Variants in MRPS23 observed in about 807,000 individuals in gnomAD.
The protein encoded by MRPS23 is mitochondrial ribosomal protein S23.
MRPS23 carries 14 observed loss-of-function variants against 19.8 expected under a neutral mutation model. The ratio of observed to expected loss-of-function variants is 0.71; its 90% CI spans 0.47 to 1.11. MRPS23 has a LOEUF of 1.11. Among genes scored for constraint, MRPS23 ranks in the 50% least tolerant of loss-of-function variants. MRPS23 has a pLI of 0.00. For synonymous variants in MRPS23, 113 were observed against 89.7 expected, an observed-to-expected ratio of 1.26 and a Z score of -1.47; for missense variants, 242 against 236.7, an observed-to-expected ratio of 1.02 and a Z score of -0.15.
chr17:57,840,805 T>C (rs1461431168), intron 4 of MRPS23, 121 bp downstream of exon 4: 3 of 1,347,750 alleles, frequency 2.2e-6, no homozygotes, highest in Non-Finnish European at 3.0e-6. Context: ...CCACAGCACT[T>C]TATAAAAGGT....
chr17:57,842,887 TATATAC>T (rs1329324720), intron 2 of MRPS23, among the ~76,000 whole-genome samples: 92 of 97,570 alleles, frequency 9.4e-4, no homozygotes, highest in South Asian at 3.2e-3. Context: ...AAAATATATA[TATATAC>T]ACACACACAC....
At chr17:57,842,938 G>T (rs1276793995) in intron 2 of MRPS23, among the ~76,000 whole-genome samples, 1 of 127,456 alleles carries the variant, frequency 7.8e-6, no homozygotes, top group East Asian at 2.3e-4. Context: ...ACACACACGA[G>T]GCAGGTGCAG....
Position 57,837,070 on chromosome 17 carries a change from G to A in MRPS23, c.*2713C>T, listed in dbSNP as rs2073710400. ...TCTGATGACAGCTTTTGCCCAAACT[G>A]TGGAAATAGTTCTGAGTTTCCAAAG... On this transcript the variant is annotated 3_prime_UTR_variant, in exon 5 of 5. Transcript: ENST00000313608. 1 of 152,156 alleles carries A rather than the reference G, an allele frequency of 6.6e-6. No homozygotes were observed. The highest frequency in any genetic ancestry group is 1.5e-5 in the Non-Finnish European group (1 of 68,040). 9.4% of individuals were successfully genotyped at this position (152,156 alleles called of 1,614,324 possible).
In MRPS23 at chr17:57,838,426, A is replaced by C. The variant is rs2073720604; in HGVS notation, c.*1357T>G. ...AAATATTCATCATTGTGGCAAAAAAAACCTGCCCTTAAAAAACCAGAAACC... is the reference window on the plus strand; with the variant it reads ...AAATATTCATCATTGTGGCAAAAAACACCTGCCCTTAAAAAACCAGAAACC... On this transcript the variant is annotated 3_prime_UTR_variant, in exon 5 of 5. Coordinates refer to ENST00000313608, the MANE Select transcript of MRPS23 (RefSeq NM_016070.4). 1 of 152,100 alleles carries C rather than the reference A, an allele frequency of 6.6e-6. No homozygotes were observed. The highest frequency in any genetic ancestry group is 1.5e-5 in the Non-Finnish European group (1 of 68,030). The allele number at this position is 152,100 out of a possible 1,614,324, so 9.4% of individuals were successfully genotyped here.
chr17:57,842,891 T>TACATACACAC (rs2073749381), intron 2 of MRPS23, among the ~76,000 whole-genome samples: 1 of 76,572 alleles, frequency 1.3e-5, no homozygotes, highest in Non-Finnish European at 2.4e-5. Flanking sequence ...TATATATATA[T>TACATACACAC]ACACACACAC....
chr17:57,837,319 A>G lies in MRPS23; in HGVS notation c.*2464T>C, dbSNP rs1231139971. 2.6e-5 allele frequency: 4 copies of G among 152,240 alleles called. No homozygotes were observed. The highest frequency in any genetic ancestry group is 2.6e-4 in the Admixed American group (4 of 15,284). 9.4% of individuals were successfully genotyped at this position (152,240 alleles called of 1,614,324 possible). On this transcript the variant is annotated 3_prime_UTR_variant, in exon 5 of 5. Transcript: ENST00000313608. ...TTAAGCACAATTTCTATGGACGAAG[A>G]TATCAAAACTCAAAATGATCTGCTC...
At position 57,838,150 on chromosome 17, in the gene MRPS23, C is replaced by G. The variant is rs751843191; in HGVS notation, c.*1633G>C. On this transcript the variant is annotated 3_prime_UTR_variant, in exon 5 of 5. Coordinates refer to ENST00000313608, the MANE Select transcript of MRPS23 (RefSeq NM_016070.4). ...ACTAAAAATACAAAAATTAGCCGGG[C>G]GTCATAGCATACACCTGTAATCCCA... 1 of 151,324 alleles carries G rather than the reference C, an allele frequency of 6.6e-6. No individual in the cohort carries two copies. The highest frequency in any genetic ancestry group is 1.5e-5 in the Non-Finnish European group (1 of 67,842). 9.4% of individuals were successfully genotyped at this position (151,324 alleles called of 1,614,324 possible). A position where few individuals can be genotyped will look rare whatever the true frequency, so the allele number is the denominator to read the frequency against.
intron 2 of MRPS23, among the ~76,000 whole-genome samples, chr17:57,843,865 G>A (rs781502829): frequency 2.6e-5 from 4 of 152,126 alleles, no homozygotes; most frequent in Non-Finnish European, 4.4e-5. Flanking sequence ...TTAGTCCTTT[G>A]TCATAACATT....
Position 57,850,022 on chromosome 17 carries a change from G to A in MRPS23, c.-12C>T, listed in dbSNP as rs748649485. On this transcript the variant is annotated 5_prime_UTR_variant, in exon 1 of 5. Transcript: ENST00000313608. ...CGGCTGCCTGCCATGATCTGCGCCT[G>A]GTACCGAGCGTGACTAGCTGCTACC... The A allele has an allele frequency of 1.3e-6, 2 of 1,590,504 alleles. No homozygotes were observed. Among genetic ancestry groups the A allele is most frequent in the South Asian group, 2.3e-5 (2 of 88,448 alleles).
rs1281807897 is a variant in MRPS23, at chr17:57,836,577, CT to C, written c.*3205del. 1 of 152,206 alleles carries C rather than the reference CT, an allele frequency of 6.6e-6. No individual in the cohort carries two copies. The highest frequency in any genetic ancestry group is 1.5e-5 in the Non-Finnish European group (1 of 68,040). The allele number at this position is 152,206 out of a possible 1,614,324, so 9.4% of individuals were successfully genotyped here. The stretch of plus-strand genomic sequence containing the variant: ...CAAATCCAGAACTGATTCCTTGCCC[CT>C]GAACCTCTACTGTACTTTTATATCA... On this transcript the variant is annotated 3_prime_UTR_variant, in exon 5 of 5. Transcript: ENST00000313608.
At position 57,840,997 on chromosome 17, in the gene MRPS23, A is replaced by G; in HGVS notation, c.349T>C (p.Leu117=). The part of the protein sequence containing the change: ...QKLGETDEEK[L]FVETGKALLA... ...AAAGCCTTCCCTGTTTCCACAAATAACTTCTCTTCATCTGTTTCTCCAAGT... is the reference window on the plus strand; with the variant it reads ...AAAGCCTTCCCTGTTTCCACAAATAGCTTCTCTTCATCTGTTTCTCCAAGT... Residue 117 remains leucine, a synonymous_variant, in exon 4 of 5, where the codon TTA becomes CTA. Transcript: ENST00000313608. 1 of 1,614,154 alleles carries G rather than the reference A, an allele frequency of 6.2e-7. No individual in the cohort carries two copies. Among genetic ancestry groups the G allele is most frequent in the Non-Finnish European group, 8.5e-7 (1 of 1,180,034 alleles).
rs2073719214 is a variant in MRPS23 at position 57,838,294 on chromosome 17, A to AAAAAAAAAAAAAAAAAAAAAAAAAAAAAC, written c.*1488_*1489insGTTTTTTTTTTTTTTTTTTTTTTTTTTTT. ...AACAAAGTGATACTCCATCGCAAAA[A>AAAAAAAAAAAAAAAAAAAAAAAAAAAAAC]AAAAAAAAAAAAAAAAAAAAAAATT... On this transcript the variant is annotated 3_prime_UTR_variant, in exon 5 of 5. Transcript: ENST00000313608. The AAAAAAAAAAAAAAAAAAAAAAAAAAAAAC allele has an allele frequency of 1.1e-5, 1 of 93,666 alleles. No homozygotes were observed. The highest frequency in any genetic ancestry group is 2.1e-5 in the Non-Finnish European group (1 of 46,898). 5.8% of individuals were successfully genotyped at this position (93,666 alleles called of 1,614,324 possible).
intron 2 of MRPS23, among the ~76,000 whole-genome samples, chr17:57,842,889 T>TACACACACAC (rs1433791158): frequency 5.1e-5 from 5 of 98,408 alleles, no homozygotes; most frequent in Non-Finnish European, 7.7e-5. Flanking sequence ...AATATATATA[T>TACACACACAC]ATACACACAC....
chr17:57,837,821 C>CA lies in MRPS23; in HGVS notation c.*1961dup, dbSNP rs1303387120. On this transcript the variant is annotated 3_prime_UTR_variant, in exon 5 of 5. Coordinates refer to ENST00000313608, the MANE Select transcript of MRPS23 (RefSeq NM_016070.4). ...CTCCATCTCTACAAAAAAAAACAAA[C>CA]AAAAAAAATGTTAAAGAGCCAGGCG... 4.0e-5 allele frequency: 6 copies of CA among 150,586 alleles called. No homozygotes were observed. Among genetic ancestry groups the CA allele is most frequent in the Non-Finnish European group, 8.8e-5 (6 of 68,290 alleles). 9.3% of individuals were successfully genotyped at this position (150,586 alleles called of 1,614,324 possible).
chr17:57,842,895 C>A (rs1197446109), intron 2 of MRPS23, among the ~76,000 whole-genome samples: 1 of 95,364 alleles, frequency 1.0e-5, no homozygotes, highest in South Asian at 4.0e-4. Context: ...TATATATACA[C>A]ACACACACAC....
At position 57,849,508 on chromosome 17, in the gene MRPS23, G is replaced by A; in HGVS notation, c.45-98C>T. On this transcript the variant is annotated intron_variant, in intron 1 of 4. Coordinates refer to ENST00000313608, the MANE Select transcript of MRPS23 (RefSeq NM_016070.4). Reference sequence around the variant, plus strand: ...GTTTGGGACATTAAAGGTATTATGCGGTCTGCAACACAGAACGGGGAAGGA... The same window carrying A: ...GTTTGGGACATTAAAGGTATTATGCAGTCTGCAACACAGAACGGGGAAGGA... 7 of 1,407,776 alleles carry A rather than the reference G, an allele frequency of 5.0e-6. No homozygotes were observed. The South Asian group carries it at 8.0e-5, about 16-fold the overall frequency. 87.2% of individuals were successfully genotyped at this position (1,407,776 alleles called of 1,614,324 possible).
rs1471673582 is a variant in MRPS23 at position 57,849,405 on chromosome 17, C to G, written c.50G>C (p.Arg17Pro). 3 of 1,613,666 alleles carry G rather than the reference C, an allele frequency of 1.9e-6. No homozygotes were observed. In the South Asian group the frequency reaches 3.3e-5, roughly 18 times the overall value. Residue 17 changes from arginine to proline, a missense_variant, in exon 2 of 5, where the codon CGG (arginine) becomes CCG (proline). Arg to Pro is a moderately radical substitution (Grantham distance 103). Transcript: ENST00000313608. ...CAGCACCCCGGCCCGAACCAGGTCC[C>G]GAGTCCTTAGGGAGGGAACAGAACG... ...ETVGSIFSRT[R>P]DLVRAGVLKE...
chr17:57,849,037 C>T, intron 2 of MRPS23: 1 of 617,346 alleles, frequency 1.6e-6, no homozygotes, highest in South Asian at 2.2e-5. Flanking sequence ...AATGATCTTT[C>T]GGTTGCTGGG....
intron 4 of MRPS23, 56 bp downstream of exon 4, chr17:57,840,870 T>G: frequency 1.2e-6 from 2 of 1,600,936 alleles, no homozygotes; most frequent in Non-Finnish European, 1.7e-6. Context: ...CAATCCCCTG[T>G]GCATACTGAG....
Sources: allele counts gnomAD v4.1 joint callset (sites outside exome capture counted in the v4.1 genomes callset), GRCh38; gene constraint gnomAD v4.1.1; transcripts MANE v1.5; gene names NCBI Gene and HGNC (gene_info 2026-07-23, HGNC 2026-07-21).